Variants in DPP6 observed in about 807,000 individuals in gnomAD.
The protein encoded by DPP6 is A-type potassium channel modulatory protein DPP6.
In DPP6, 69 loss-of-function variants were observed where a neutral mutation model predicts 122.6. That is an observed-to-expected ratio of 0.56 (90% confidence interval 0.46 to 0.69). The LOEUF (loss-of-function observed/expected upper bound fraction) is 0.69. DPP6 is among the 30% of genes least tolerant of loss of function. The pLI, the probability that DPP6 is intolerant of heterozygous loss-of-function variation, is 0.00. For missense variants in DPP6, 928 were observed against 1,116.9 expected, an observed-to-expected ratio of 0.83 and a Z score of 2.41; for synonymous variants, 418 against 433.1, an observed-to-expected ratio of 0.97 and a Z score of 0.43.
At chr7:154,701,072 G>A (rs1840497647) in intron 7 of DPP6, among the ~76,000 whole-genome samples, 1 of 152,114 alleles carries the variant, frequency 6.6e-6, no homozygotes, top group African/African-American at 2.4e-5. Flanking sequence ...CCAGAGATAC[G>A]GCAGGCTTTT....
intron 1 of DPP6, among the ~76,000 whole-genome samples, chr7:154,389,412 G>A (rs899177298): frequency 6.6e-6 from 1 of 151,722 alleles, no homozygotes; most frequent in Admixed American, 6.6e-5. Context: ...GATTTCATCA[G>A]CTCAACAAGT....
At chr7:154,734,222 G>C (rs1425616312) in intron 8 of DPP6, among the ~76,000 whole-genome samples, 1 of 152,216 alleles carries the variant, frequency 6.6e-6, no homozygotes, top group African/African-American at 2.4e-5. Flanking sequence ...TGTGCTCCTG[G>C]CTTCGCCTCC....
At chr7:154,796,019 G>C in intron 12 of DPP6, 136 bp downstream of exon 12, 4 of 1,372,464 alleles carry the variant, frequency 2.9e-6, no homozygotes, top group Non-Finnish European at 2.9e-6. Flanking sequence ...AACAGACGGC[G>C]TGCCGGCTCC....
chr7:154,558,890 ATAAT>A (rs1177668025), intron 4 of DPP6, among the ~76,000 whole-genome samples: 6 of 152,258 alleles, frequency 3.9e-5, no homozygotes, highest in Non-Finnish European at 1.5e-5. Flanking sequence ...TAATCCACAA[ATAAT>A]TAATTGCCTG....
intron 1 of DPP6, among the ~76,000 whole-genome samples, chr7:154,409,016 T>C (rs1186646546): frequency 6.6e-6 from 1 of 152,054 alleles, no homozygotes; most frequent in Non-Finnish European, 1.5e-5. Context: ...TAGTGGTGCA[T>C]GCCTGTAATC....
At chr7:154,097,838 G>A (rs527884996) in intron 1 of DPP6, among the ~76,000 whole-genome samples, 5 of 152,318 alleles carry the variant, frequency 3.3e-5, no homozygotes, top group Non-Finnish European at 7.4e-5. Context: ...AGCCACGTAG[G>A]CCCTTCCTCA....
the DPP6 span, among the ~76,000 whole-genome samples, chr7:153,767,393 G>T: frequency 6.6e-6 from 1 of 152,022 alleles, no homozygotes; most frequent in Non-Finnish European, 1.5e-5. Flanking sequence ...GTTGTTGTTG[G>T]ATTCACTCTT....
chr7:153,802,915 T>C, the DPP6 span, among the ~76,000 whole-genome samples: 2 of 152,104 alleles, frequency 1.3e-5, no homozygotes, highest in East Asian at 3.9e-4. Context: ...CCCCAATCAC[T>C]GCACAGCCTT....
intron 1 of DPP6, chr7:154,057,925 C>A (rs1002262107): frequency 1.3e-5 from 2 of 151,030 alleles, no homozygotes; most frequent in African/African-American, 5.0e-5. Flanking sequence ...AAAGAATGGC[C>A]CCCCTATTTG....
intron 20 of DPP6, among the ~76,000 whole-genome samples, chr7:154,879,588 C>CAAAAAAAAAAAA (rs778157355): frequency 4.8e-5 from 2 of 41,616 alleles, no homozygotes; most frequent in African/African-American, 1.3e-4. Context: ...GACTCCGTCT[C>CAAAAAAAAAAAA]AAAAAAAAAA....
At chr7:154,737,729 A>C (rs1186391024) in intron 8 of DPP6, among the ~76,000 whole-genome samples, 4 of 152,190 alleles carry the variant, frequency 2.6e-5, no homozygotes, top group Non-Finnish European at 2.9e-5. Flanking sequence ...GTCCATACTC[A>C]AGTTCTGGGT....
intron 5 of DPP6, among the ~76,000 whole-genome samples, chr7:154,632,804 C>G (rs567554805): frequency 2.1e-3 from 322 of 152,196 alleles, no homozygotes; most frequent in African/African-American, 7.4e-3. Flanking sequence ...CCTTAGAAAT[C>G]TAAAGTATGG....
At position 153,973,454 on chromosome 7, in the gene DPP6, G is replaced by A. The variant is rs142257385; in HGVS notation, c.51+85720G>A. 6.2e-3 allele frequency among the ~76,000 whole-genome samples: 941 copies of A among 152,240 alleles called. 8 individuals carry two copies. The highest frequency in any genetic ancestry group is 0.021 in the African/African-American group (868 of 41,552). ...CTAAAATGGACTATGTGGAGGTCCC[G>A]TGGGCAAGATTGGGGAGGAATTCCT... On this transcript the variant is annotated intron_variant, in intron 1 of 25. Transcript: ENST00000404039.
At chr7:154,329,993 G>A (rs552546898) in intron 1 of DPP6, among the ~76,000 whole-genome samples, 2 of 152,072 alleles carry the variant, frequency 1.3e-5, no homozygotes, top group Non-Finnish European at 2.9e-5. Context: ...ACACATGGAC[G>A]ACACAGGGAG....
At chr7:154,426,466 G>A (rs984377027) in intron 1 of DPP6, among the ~76,000 whole-genome samples, 2 of 152,176 alleles carry the variant, frequency 1.3e-5, no homozygotes, top group African/African-American at 4.8e-5. Flanking sequence ...CTTCAGAGGA[G>A]TTTGCAGTTC....
chr7:153,843,949 G>A, the DPP6 span, among the ~76,000 whole-genome samples: 12 of 152,044 alleles, frequency 7.9e-5, no homozygotes, highest in South Asian at 2.1e-4. Context: ...AGATGAGGGC[G>A]TTTATAGCCC....
intron 1 of DPP6, among the ~76,000 whole-genome samples, chr7:153,929,806 CAG>C (rs951143007): frequency 1.3e-5 from 2 of 152,048 alleles, no homozygotes; most frequent in Admixed American, 1.3e-4. Flanking sequence ...GATTGTCAGA[CAG>C]GGTGAATTTT....
intron 1 of DPP6, among the ~76,000 whole-genome samples, chr7:153,927,866 T>C (rs1800974925): frequency 6.6e-6 from 1 of 152,132 alleles, no homozygotes; most frequent in Non-Finnish European, 1.5e-5. Flanking sequence ...TGTTCATCAG[T>C]ATCCTTTGTA....
chr7:153,890,166 T>C (rs1335053859), intron 1 of DPP6, among the ~76,000 whole-genome samples: 1 of 152,248 alleles, frequency 6.6e-6, no homozygotes, highest in Non-Finnish European at 1.5e-5. Context: ...CTACAAAAAG[T>C]GGCAGAATGT....
Sources: gnomAD v4.1 joint callset for allele counts (sites outside exome capture counted in the v4.1 genomes callset) on GRCh38, gnomAD v4.1.1 for gene constraint, MANE v1.5 for transcripts, NCBI Gene and HGNC (gene_info 2026-07-23, HGNC 2026-07-21) for gene names.